The following PPM1E variants were observed in gnomAD, a reference collection of about 807,000 sequenced individuals.
PPM1E encodes protein phosphatase, Mg2+/Mn2+ dependent 1E.
In PPM1E, 20 loss-of-function variants were observed where a neutral mutation model predicts 65.9. The ratio of observed to expected loss-of-function variants is 0.30; its 90% CI spans 0.21 to 0.44. The LOEUF (loss-of-function observed/expected upper bound fraction) is 0.44. Ranked by LOEUF, PPM1E falls within the 20% of genes least tolerant of loss-of-function variation. PPM1E has a pLI of 1.00. For synonymous variants in PPM1E, 352 were observed against 374.9 expected (o/e 0.94, Z 0.70); for missense variants, 713 against 953.1 (o/e 0.75, Z 3.32).
At chr17:58,800,929 T>C (rs1341431931) in intron 1 of PPM1E, among the ~76,000 whole-genome samples, 1 of 152,202 alleles carries the variant, frequency 6.6e-6, no homozygotes, top group African/African-American at 2.4e-5. Flanking sequence ...TTCTACTTCA[T>C]TGATTGCAAT....
At chr17:58,785,676 C>A (rs1661448544) in intron 1 of PPM1E, 2 of 151,256 alleles carry the variant, frequency 1.3e-5, no homozygotes, top group African/African-American at 4.9e-5. Flanking sequence ...GTACAGTAAC[C>A]ACGACCCCCC....
At chr17:58,968,011 C>T in intron 3 of PPM1E, among the ~76,000 whole-genome samples, 1 of 152,004 alleles carries the variant, frequency 6.6e-6, no homozygotes, top group East Asian at 1.9e-4. Flanking sequence ...ACCATGTTGG[C>T]CAGGATGGTC....
chr17:58,863,233 G>A (rs956374208), intron 1 of PPM1E, among the ~76,000 whole-genome samples: 2 of 152,328 alleles, frequency 1.3e-5, no homozygotes, highest in East Asian at 3.9e-4. Context: ...GGGAGGCCGA[G>A]GCAGTGAAAC....
chr17:58,982,948 C>A lies in PPM1E; in HGVS notation c.*1917C>A. Reference sequence around the variant, plus strand: ...TAAGAAAACAAGAAAACAAAGGCAGCAGACTATTGGTACACATTATAGTCC... The same window carrying A: ...TAAGAAAACAAGAAAACAAAGGCAGAAGACTATTGGTACACATTATAGTCC... On this transcript the variant is annotated 3_prime_UTR_variant, in exon 7 of 7. Transcript: ENST00000308249. The A allele has an allele frequency of 6.4e-7, 1 of 1,566,558 alleles. No individual in the cohort carries two copies. The highest frequency in any genetic ancestry group is 1.2e-5 in the South Asian group (1 of 85,254).
At chr17:58,756,870 G>A (rs2049773131) in intron 1 of PPM1E, among the ~76,000 whole-genome samples, 1 of 152,166 alleles carries the variant, frequency 6.6e-6, no homozygotes, top group Non-Finnish European at 1.5e-5. Flanking sequence ...CTTTCTCCGG[G>A]AGGTTTCCTC....
intron 1 of PPM1E, among the ~76,000 whole-genome samples, chr17:58,768,031 G>T (rs577477927): frequency 4.5e-4 from 68 of 151,808 alleles, no homozygotes; most frequent in Non-Finnish European, 8.5e-4. Context: ...GCTCACTGCA[G>T]CCTCCACCTC....
At chr17:58,901,372 C>G (rs997974812) in intron 1 of PPM1E, among the ~76,000 whole-genome samples, 1 of 152,088 alleles carries the variant, frequency 6.6e-6, no homozygotes, top group African/African-American at 2.4e-5. Context: ...TGAGGGTTTT[C>G]TATTAAAAAA....
chr17:58,913,385 A>T (rs1171231144), intron 1 of PPM1E, among the ~76,000 whole-genome samples: 1 of 149,520 alleles, frequency 6.7e-6, no homozygotes, highest in Non-Finnish European at 1.5e-5. Flanking sequence ...GAGCAGACTT[A>T]AAAAAAAAAC....
intron 1 of PPM1E, among the ~76,000 whole-genome samples, chr17:58,806,790 C>T (rs1459024373): frequency 4.0e-5 from 6 of 150,316 alleles, no homozygotes; most frequent in Non-Finnish European, 4.4e-5. Flanking sequence ...ACCTCCACCT[C>T]CTGGGTTCAA....
intron 1 of PPM1E, among the ~76,000 whole-genome samples, chr17:58,862,289 T>G (rs895850042): frequency 1.3e-5 from 2 of 152,236 alleles, no homozygotes; most frequent in Non-Finnish European, 2.9e-5. Flanking sequence ...TTGATTATTC[T>G]GTTTGTGTGT....
At chr17:58,972,059 T>C in intron 4 of PPM1E, 73 bp from the exon 5 acceptor site, 1 of 1,416,968 alleles carries the variant, frequency 7.1e-7, no homozygotes, top group South Asian at 1.3e-5. Flanking sequence ...AGCTTAATTA[T>C]AAATTGCTTC....
chr17:58,803,705 G>A (rs1598580904), intron 1 of PPM1E, among the ~76,000 whole-genome samples: 1 of 152,118 alleles, frequency 6.6e-6, no homozygotes, highest in African/African-American at 2.4e-5. Flanking sequence ...CAGAACCACT[G>A]TTTAGCAGTA....
intron 6 of PPM1E, 34 bp from the exon 7 acceptor site, chr17:58,979,940 T>C (rs761832288): frequency 1.3e-6 from 2 of 1,541,380 alleles, no homozygotes; most frequent in Non-Finnish European, 1.8e-6. Context: ...GTAAAACAAA[T>C]GCTAATGATG....
chr17:58,913,118 A>T (rs1327393235), intron 1 of PPM1E, among the ~76,000 whole-genome samples: 1 of 152,204 alleles, frequency 6.6e-6, no homozygotes, highest in Non-Finnish European at 1.5e-5. Context: ...TTGGACCTGA[A>T]GAGGGAGTCA....
chr17:58,800,330 T>C (rs758241903), intron 1 of PPM1E, among the ~76,000 whole-genome samples: 4 of 152,204 alleles, frequency 2.6e-5, no homozygotes, highest in Non-Finnish European at 4.4e-5. Context: ...TACTATTTTG[T>C]TGTAAATATT....
At chr17:58,977,110 A>C (rs893633233) in intron 6 of PPM1E, among the ~76,000 whole-genome samples, 2 of 152,188 alleles carry the variant, frequency 1.3e-5, no homozygotes, top group Non-Finnish European at 2.9e-5. Flanking sequence ...TGATTAAATC[A>C]AAAGCATGCT....
At chr17:58,966,610 T>A (rs959465485) in intron 3 of PPM1E, 5 of 169,432 alleles carry the variant, frequency 3.0e-5, no homozygotes, top group East Asian at 1.8e-4. Context: ...TGGAATTATA[T>A]TTCATAAATC....
rs543194523 is a variant in PPM1E at position 58,756,294 on chromosome 17, G to A, written c.297G>A (p.Glu99=). ...EEAAVEGEEE[E]EGAATAAAAP... ...CGGCGGTTGAGGGTGAGGAGGAGGA[G>A]GAGGGCGCGGCGACGGCGGCGGCAG... Residue 99 remains glutamate (E), a synonymous_variant, in exon 1 of 7, where the codon GAG becomes GAA. Coordinates refer to ENST00000308249, the MANE Select transcript of PPM1E (RefSeq NM_014906.5). 1 of 1,528,722 alleles carries A rather than the reference G, an allele frequency of 6.5e-7. No homozygotes were observed. Among genetic ancestry groups the A allele is most frequent in the East Asian group, 2.5e-5 (1 of 39,502 alleles). The allele number at this position is 1,528,722 out of a possible 1,614,324, so 94.7% of individuals were successfully genotyped here.
In PPM1E at chr17:58,914,124, G is replaced by T. The variant is rs970118092; in HGVS notation, c.465-41525G>T. Among the ~76,000 whole-genome samples the T allele has an allele frequency of 1.6e-4, 24 of 152,068 alleles. 1 individual carries two copies. Among genetic ancestry groups the T allele is most frequent in the African/African-American group, 2.4e-5 (1 of 41,406 alleles). ...TCTTTCACCATCATAATTTTTCCAT[G>T]TCAAATTTTTCTCACTGTTATAATT... On this transcript the variant is annotated intron_variant, in intron 1 of 6. Coordinates refer to ENST00000308249, the MANE Select transcript of PPM1E (RefSeq NM_014906.5).
Sources: allele counts gnomAD v4.1 joint callset (sites outside exome capture counted in the v4.1 genomes callset), GRCh38; gene constraint gnomAD v4.1.1; transcripts MANE v1.5; gene names NCBI Gene and HGNC (gene_info 2026-07-23, HGNC 2026-07-21).